AXDND1: variants seen among roughly 807,000 people sequenced by gnomAD.
AXDND1 encodes the protein axonemal dynein light chain domain-containing protein 1.
A neutral mutation model predicts 137.5 loss-of-function variants in AXDND1; 110 were observed. That is an observed-to-expected ratio of 0.80 (90% confidence interval 0.69 to 0.94). AXDND1 has a LOEUF of 0.94. AXDND1 is among the 40% of genes least tolerant of loss of function. AXDND1 has a pLI of 0.00. For synonymous variants in AXDND1, 414 were observed against 399.7 expected, an observed-to-expected ratio of 1.04 and a Z score of -0.43; for missense variants, 1,191 against 1,169.8, an observed-to-expected ratio of 1.02 and a Z score of -0.26.
intron 24 of AXDND1, 137 bp downstream of exon 24, chr1:179,534,014 T>A (rs1468448871): frequency 4.5e-6 from 3 of 661,274 alleles, no homozygotes; most frequent in African/African-American, 1.8e-5. Flanking sequence ...TATCTCCACA[T>A]GTTCTGCTAG....
At chr1:179,469,145 G>A (rs928219194) in intron 17 of AXDND1, among the ~76,000 whole-genome samples, 5 of 151,996 alleles carry the variant, frequency 3.3e-5, no homozygotes, top group Non-Finnish European at 1.5e-5. Context: ...GGCTAGGCTG[G>A]TCTCGAACTC....
At chr1:179,411,459 C>T (rs1246571449) in intron 12 of AXDND1, among the ~76,000 whole-genome samples, 193 bp downstream of exon 12, 2 of 152,198 alleles carry the variant, frequency 1.3e-5, no homozygotes, top group African/African-American at 4.8e-5. Context: ...ATTCTCCCAC[C>T]TCAGCCTCTT....
chr1:179,398,297 C>T (rs1350809228), intron 11 of AXDND1, among the ~76,000 whole-genome samples: 1 of 152,154 alleles, frequency 6.6e-6, no homozygotes, highest in Non-Finnish European at 1.5e-5. Flanking sequence ...TGTACTCCAA[C>T]TCTGGGGGAC....
intron 10 of AXDND1, 101 bp downstream of exon 10, chr1:179,394,144 G>T: frequency 8.3e-7 from 1 of 1,200,392 alleles, no homozygotes; most frequent in Non-Finnish European, 1.1e-6. Context: ...AAAGGCCAAG[G>T]TTCTTCTGTT....
In AXDND1 at chr1:179,459,331, G is replaced by A. The variant is rs574472987; in HGVS notation, c.1799-9112G>A. 1.3e-4 allele frequency among the ~76,000 whole-genome samples: 20 copies of A among 151,906 alleles called. No individual in the cohort carries two copies. The South Asian group carries it at 4.2e-3, about 32-fold the overall frequency. ...TGTTTAAAAGACATAGGTTCTATAG[G>A]AAGAAAATTATATATGTAATATAAT... On this transcript the variant is annotated intron_variant, in intron 16 of 25. Transcript: ENST00000367618.
At chr1:179,508,968 A>G (rs902076293) in intron 20 of AXDND1, among the ~76,000 whole-genome samples, 9 of 152,214 alleles carry the variant, frequency 5.9e-5, no homozygotes, top group Non-Finnish European at 8.8e-5. Context: ...TTATTATGCA[A>G]TCACAGTTGA....
intron 25 of AXDND1, chr1:179,549,005 G>GC (rs1672922942): frequency 6.6e-6 from 1 of 152,118 alleles, no homozygotes; most frequent in Non-Finnish European, 1.5e-5. Context: ...GTGTGCCATA[G>GC]ACTTCTCCCA....
intron 12 of AXDND1, among the ~76,000 whole-genome samples, chr1:179,427,836 T>C (rs1359463870): frequency 6.6e-6 from 1 of 151,962 alleles, no homozygotes; most frequent in Admixed American, 6.6e-5. Flanking sequence ...ACCTAGCAAG[T>C]CTGATCCCAG....
At chr1:179,385,114 A>T in intron 8 of AXDND1, 124 bp from the exon 9 acceptor site, 2 of 840,676 alleles carry the variant, frequency 2.4e-6, no homozygotes, top group Non-Finnish European at 3.7e-6. Context: ...ATAAATGAAA[A>T]TGTAAGTGAA....
intron 9 of AXDND1, among the ~76,000 whole-genome samples, chr1:179,386,456 G>A (rs1649240616): frequency 6.6e-6 from 1 of 151,888 alleles, no homozygotes; most frequent in African/African-American, 2.4e-5. Context: ...ATTTTGGTCT[G>A]TGGCTTTATA....
chr1:179,546,130 C>T (rs1484605851), intron 25 of AXDND1: 1 of 152,092 alleles, frequency 6.6e-6, no homozygotes, highest in Admixed American at 6.6e-5. Context: ...AGAAAAGCTA[C>T]CCTGTGGTCA....
intron 18 of AXDND1, among the ~76,000 whole-genome samples, chr1:179,486,139 A>AAAAAAT (rs149119239): frequency 1.1e-5 from 1 of 87,770 alleles, no homozygotes; most frequent in Non-Finnish European, 2.3e-5. Context: ...AAAAAAAAAA[A>AAAAAAT]AACCTGATAG....
In AXDND1 at chr1:179,445,193, A is replaced by C; in HGVS notation, c.1787A>C (p.Asn596Thr). The C allele has an allele frequency of 3.2e-6, 5 of 1,549,314 alleles. No homozygotes were observed. Among genetic ancestry groups the C allele is most frequent in the Non-Finnish European group, 4.4e-6 (5 of 1,136,118 alleles). Residue 596 changes from asparagine (N) to threonine (T), a missense_variant, in exon 16 of 26, where the codon AAT (asparagine) becomes ACT (threonine). Transcript: ENST00000367618. Reference protein sequence around the residue: ...KLYKEYEIRINGDNGYSKILP... With the variant: ...KLYKEYEIRITGDNGYSKILP... Reference sequence around the variant, plus strand: ...TACAAAGAATATGAAATAAGAATAAATGGGGACAATGGTAAGAAAATACTC... The same window carrying C: ...TACAAAGAATATGAAATAAGAATAACTGGGGACAATGGTAAGAAAATACTC...
chr1:179,529,565 A>G (rs1023352701), intron 23 of AXDND1, among the ~76,000 whole-genome samples: 2 of 152,214 alleles, frequency 1.3e-5, no homozygotes, highest in Non-Finnish European at 2.9e-5. Flanking sequence ...CAGGTTAGTG[A>G]AAAGACTGGT....
At position 179,551,119 on chromosome 1, in the gene AXDND1, C is replaced by A. The variant is rs1410591; in HGVS notation, c.3032-3393C>A. 7.5e-6 allele frequency: 12 copies of A among 1,608,056 alleles called. No individual in the cohort carries two copies. The South Asian group carries it at 1.1e-4, about 15-fold the overall frequency. ...ATGAGGACAGAGTGTCTCCCTCAGG[C>A]ATGTGACTTTTCTATGGCAGGCCCC... is the stretch of plus-strand genomic sequence containing the variant. On this transcript the variant is annotated intron_variant, in intron 25 of 25. Coordinates refer to ENST00000367618, the MANE Select transcript of AXDND1 (RefSeq NM_144696.6).
At chr1:179,442,190 G>A (rs1008181030) in intron 15 of AXDND1, among the ~76,000 whole-genome samples, 9 of 152,114 alleles carry the variant, frequency 5.9e-5, no homozygotes, top group African/African-American at 9.7e-5. Context: ...AAACGAGGCC[G>A]TACAGATGTT....
chr1:179,477,178 T>A (rs1391904371), intron 17 of AXDND1, among the ~76,000 whole-genome samples: 1 of 151,644 alleles, frequency 6.6e-6, no homozygotes, highest in East Asian at 1.9e-4. Flanking sequence ...ACTCTAAAAT[T>A]TTCATTTATT....
At chr1:179,505,176 A>T (rs964217242) in intron 20 of AXDND1, among the ~76,000 whole-genome samples, 8 of 152,228 alleles carry the variant, frequency 5.3e-5, no homozygotes, top group African/African-American at 1.9e-4. Flanking sequence ...TGAAAAGAAG[A>T]TGGTTTTCCA....
intron 16 of AXDND1, 46 bp downstream of exon 16, chr1:179,445,250 T>G: frequency 8.1e-7 from 1 of 1,228,816 alleles, no homozygotes; most frequent in Non-Finnish European, 1.1e-6. Flanking sequence ...ATAAAATGTT[T>G]CCACAATAAT....
Sources: allele counts gnomAD v4.1 joint callset (sites outside exome capture counted in the v4.1 genomes callset), GRCh38; gene constraint gnomAD v4.1.1; transcripts MANE v1.5; gene names NCBI Gene and HGNC (gene_info 2026-07-23, HGNC 2026-07-21).